NRXN3: variants seen among roughly 807,000 people sequenced by gnomAD.
The protein encoded by NRXN3 is neurexin III.
NRXN3 carries 32 observed loss-of-function variants against 137.6 expected under a neutral mutation model. The observed-to-expected ratio is 0.23, with a 90% CI of 0.18 to 0.31. The LOEUF is 0.31. Ranked by LOEUF, NRXN3 falls within the 10% of genes least tolerant of loss-of-function variation. The pLI is 1.00. For synonymous variants in NRXN3, 798 were observed against 784.5 expected, an observed-to-expected ratio of 1.02 and a Z score of -0.29; for missense variants, 1,574 against 2,062.5, an observed-to-expected ratio of 0.76 and a Z score of 4.59.
chr14:78,327,684 G>A (rs1226366295), intron 4 of NRXN3, among the ~76,000 whole-genome samples: 1 of 152,136 alleles, frequency 6.6e-6, no homozygotes, highest in African/African-American at 2.4e-5. Context: ...TGGGCATATA[G>A]CAGTGAGCCA....
chr14:79,776,478 C>G (rs929417790), intron 19 of NRXN3, among the ~76,000 whole-genome samples: 2 of 152,198 alleles, frequency 1.3e-5, no homozygotes, highest in African/African-American at 2.4e-5. Context: ...ATCAGGATTT[C>G]TTCTTCCATT....
chr14:78,605,176 A>T (rs1351286888), intron 4 of NRXN3, among the ~76,000 whole-genome samples: 4 of 152,176 alleles, frequency 2.6e-5, no homozygotes, highest in African/African-American at 9.7e-5. Flanking sequence ...GTTTTAAGTC[A>T]TCATCTTCCC....
chr14:79,607,923 A>G (rs533204342), intron 16 of NRXN3, among the ~76,000 whole-genome samples: 3 of 152,258 alleles, frequency 2.0e-5, no homozygotes, highest in African/African-American at 7.2e-5. Flanking sequence ...CACCAGCCTC[A>G]GTCTCCCAAA....
chr14:79,097,705 T>C (rs538755062), intron 15 of NRXN3, among the ~76,000 whole-genome samples: 1 of 152,284 alleles, frequency 6.6e-6, no homozygotes, highest in East Asian at 1.9e-4. Flanking sequence ...TATACAATTA[T>C]TTCAATATAT....
chr14:78,637,738 C>T (rs892027230), intron 4 of NRXN3, among the ~76,000 whole-genome samples: 1 of 152,160 alleles, frequency 6.6e-6, no homozygotes, highest in African/African-American at 2.4e-5. Flanking sequence ...GCAGAGTGCC[C>T]TGTTAACATG....
chr14:79,461,624 T>C (rs1395643104), intron 15 of NRXN3, among the ~76,000 whole-genome samples: 1 of 152,214 alleles, frequency 6.6e-6, no homozygotes, highest in African/African-American at 2.4e-5. Flanking sequence ...TATTTATCAG[T>C]TCCAAAGCAA....
At chr14:78,876,971 A>G (rs1376291246) in intron 10 of NRXN3, among the ~76,000 whole-genome samples, 2 of 152,156 alleles carry the variant, frequency 1.3e-5, no homozygotes, top group Admixed American at 6.5e-5. Context: ...CTACTGGTCT[A>G]CTATTTGTGG....
chr14:79,220,495 A>G (rs1159116236), intron 15 of NRXN3, among the ~76,000 whole-genome samples: 1 of 151,990 alleles, frequency 6.6e-6, no homozygotes, highest in African/African-American at 2.4e-5. Context: ...ACTAGGATTC[A>G]CTCTTGGTGT....
intron 15 of NRXN3, among the ~76,000 whole-genome samples, chr14:79,241,689 A>G (rs1167725347): frequency 1.3e-5 from 2 of 152,168 alleles, no homozygotes; most frequent in Non-Finnish European, 2.9e-5. Flanking sequence ...AGTAATGAAA[A>G]CAACAATAAC....
Position 79,166,087 on chromosome 14 carries a change from T to C in NRXN3, c.3262+177946T>C, listed in dbSNP as rs1262386967. 2.0e-5 allele frequency among the ~76,000 whole-genome samples: 3 copies of C among 152,048 alleles called. No individual in the cohort carries two copies. In the South Asian group the frequency reaches 6.2e-4, roughly 31 times the overall value. On this transcript the variant is annotated intron_variant, in intron 15 of 20. Coordinates refer to ENST00000335750, the MANE Select transcript of NRXN3 (RefSeq NM_001330195.2). ...GCTGCCTTTGATTTCAGTACTGGTT[T>C]ACTCCCTTTTTAGAAATTATTTTTT...
chr14:78,977,244 A>T (rs1241051495), intron 14 of NRXN3, among the ~76,000 whole-genome samples: 1 of 152,158 alleles, frequency 6.6e-6, no homozygotes, highest in Non-Finnish European at 1.5e-5. Context: ...ATGACCAGAG[A>T]GTATCTGAGA....
chr14:79,356,887 C>A lies in NRXN3; in HGVS notation c.3263-110334C>A, dbSNP rs139365807. 4.2e-3 allele frequency among the ~76,000 whole-genome samples: 644 copies of A among 152,156 alleles called. 4 individuals carry two copies. Among genetic ancestry groups the A allele is most frequent in the Non-Finnish European group, 6.1e-3 (412 of 68,014 alleles). Reference sequence around the variant, plus strand: ...GAGACTACAGGTGGGTGCCACCAGGCCTAGCTAATTTTTGTATTTTTAGTA... The same window carrying A: ...GAGACTACAGGTGGGTGCCACCAGGACTAGCTAATTTTTGTATTTTTAGTA... On this transcript the variant is annotated intron_variant, in intron 15 of 20. Coordinates refer to ENST00000335750, the MANE Select transcript of NRXN3 (RefSeq NM_001330195.2).
intron 10 of NRXN3, among the ~76,000 whole-genome samples, chr14:78,908,648 A>G (rs2152770607): frequency 6.6e-6 from 1 of 152,200 alleles, no homozygotes; most frequent in East Asian, 1.9e-4. Flanking sequence ...ACTTGTACTA[A>G]CTTCTTGTAA....
intron 10 of NRXN3, among the ~76,000 whole-genome samples, chr14:78,838,744 C>T (rs1596368769): frequency 1.3e-5 from 2 of 152,210 alleles, no homozygotes; most frequent in Non-Finnish European, 1.5e-5. Context: ...AATCCTCTCT[C>T]TAGCCATATT....
At position 78,243,604 on chromosome 14, in the gene NRXN3, G is replaced by C; in HGVS notation, c.511G>C (p.Gly171Arg). 1 of 1,598,412 alleles carries C rather than the reference G, an allele frequency of 6.3e-7. No individual in the cohort carries two copies. The highest frequency in any genetic ancestry group is 8.5e-7 in the Non-Finnish European group (1 of 1,179,814). Residue 171 changes from glycine (G) to arginine (R), a missense_variant, in exon 2 of 21, where the codon GGC becomes CGC. Gly to Arg is a moderately radical substitution (Grantham distance 125, BLOSUM62 -2). Coordinates refer to ENST00000335750, the MANE Select transcript of NRXN3 (RefSeq NM_001330195.2). This position sits in a 1 kb window ranked among gnomAD's most constrained non-coding sequence, Gnocchi z 4.2. ...CCTTGATGGAGTTCAGGCCATGCCC[G>C]GCTTCAAGGGGTTAATTCTGGATCT... ...LTLDGVQAMP[G>R]FKGLILDLKY...
At position 78,643,819 on chromosome 14, in the gene NRXN3, C is replaced by T. The variant is rs368279411; in HGVS notation, c.758-1301C>T. Among the ~76,000 whole-genome samples, 180 of 152,262 alleles carry T rather than the reference C, an allele frequency of 1.2e-3. 4 individuals are homozygous for T. In the South Asian group the frequency reaches 0.037, roughly 31 times the overall value. On this transcript the variant is annotated intron_variant, in intron 4 of 20. Transcript: ENST00000335750. ...TAGTCTCCCACGGCTACTCCTCAGA[C>T]CTTGCAATATGTATGGTTTGCCTTT...
At chr14:79,560,028 T>A (rs1393182227) in intron 16 of NRXN3, among the ~76,000 whole-genome samples, 2 of 152,102 alleles carry the variant, frequency 1.3e-5, no homozygotes, top group African/African-American at 4.8e-5. Flanking sequence ...TAAAAATGAT[T>A]TCATTTAAAA....
chr14:78,751,704 G>A (rs1567215489), intron 8 of NRXN3, among the ~76,000 whole-genome samples: 1 of 152,074 alleles, frequency 6.6e-6, no homozygotes, highest in Non-Finnish European at 1.5e-5. Flanking sequence ...TGCCCTGGAG[G>A]GGACGGAAGG....
chr14:78,681,688 G>A (rs145570197), intron 6 of NRXN3, among the ~76,000 whole-genome samples: 1 of 152,230 alleles, frequency 6.6e-6, no homozygotes, highest in African/African-American at 2.4e-5. Flanking sequence ...CAAAGCAGAT[G>A]ACTAATTTTC....
Sources: allele counts gnomAD v4.1 joint callset (sites outside exome capture counted in the v4.1 genomes callset), GRCh38; gene constraint gnomAD v4.1.1; non-coding constraint Gnocchi (gnomAD v3.1); transcripts MANE v1.5; gene names NCBI Gene and HGNC (gene_info 2026-07-23, HGNC 2026-07-21).